Variants in NEDD9 observed in about 807,000 individuals in gnomAD.
The protein encoded by NEDD9 is enhancer of filamentation 1.
A neutral mutation model predicts 76.6 loss-of-function variants in NEDD9; 26 were observed. The ratio of observed to expected loss-of-function variants is 0.34; its 90% confidence interval spans 0.25 to 0.47. The LOEUF (loss-of-function observed/expected upper bound fraction) is 0.47. Ranked by LOEUF, NEDD9 falls within the 20% of genes least tolerant of loss-of-function variation. The pLI, the probability that NEDD9 is intolerant of heterozygous loss-of-function variation, is 1.00. For missense variants in NEDD9, 937 were observed against 1,058.5 expected (o/e 0.89, Z 1.59); for synonymous variants, 392 against 414.2 (o/e 0.95, Z 0.65).
At chr6:11,362,017 A>G (rs1398371837) in intron 1 of NEDD9, among the ~76,000 whole-genome samples, 1 of 152,230 alleles carries the variant, frequency 6.6e-6, no homozygotes, top group East Asian at 1.9e-4. Flanking sequence ...GCTGCTTGCA[A>G]TGAACTGAAT....
At chr6:11,251,713 A>C (rs146016495) in intron 3 of NEDD9, 2 of 152,210 alleles carry the variant, frequency 1.3e-5, no homozygotes. Flanking sequence ...CACTTCAGGG[A>C]TTTAGAATCA....
At position 11,290,381 on chromosome 6, in the gene NEDD9, C is replaced by T. The variant is rs867808583; in HGVS notation, c.12+15611G>A. ...ACAAAACACAAGCCTTAGTATGTGA[C>T]TTCTGGCCTCCAAATAAAGCATTAT... On this transcript the variant is annotated intron_variant, in intron 3 of 3. Coordinates refer to the NEDD9 transcript ENST00000397378. Among the ~76,000 whole-genome samples the T allele has an allele frequency of 5.9e-5, 9 of 152,178 alleles. No homozygotes were observed. The South Asian group carries it at 6.2e-4, about 11-fold the overall frequency.
At chr6:11,253,192 T>A (rs894933051) in intron 3 of NEDD9, among the ~76,000 whole-genome samples, 1 of 152,188 alleles carries the variant, frequency 6.6e-6, no homozygotes, top group Non-Finnish European at 1.5e-5. Flanking sequence ...GGCACTTTCA[T>A]GAATGTGCGC....
chr6:11,317,044 G>A (rs1238964718), intron 2 of NEDD9, among the ~76,000 whole-genome samples: 1 of 152,232 alleles, frequency 6.6e-6, no homozygotes, highest in African/African-American at 2.4e-5. Flanking sequence ...GATTCAGAGA[G>A]AGAGAATGTT....
chr6:11,297,862 G>A (rs1760935992), intron 3 of NEDD9, among the ~76,000 whole-genome samples: 1 of 151,858 alleles, frequency 6.6e-6, no homozygotes, highest in Admixed American at 6.6e-5. Flanking sequence ...GGCAAGACTG[G>A]GATTCAAACT....
intron 1 of NEDD9, among the ~76,000 whole-genome samples, chr6:11,337,372 A>G (rs1367874882): frequency 6.6e-6 from 1 of 152,262 alleles, no homozygotes; most frequent in African/African-American, 2.4e-5. Flanking sequence ...CAAACTAGTA[A>G]AATAGTAATT....
At chr6:11,320,656 A>C (rs982122343) in intron 2 of NEDD9, among the ~76,000 whole-genome samples, 1 of 152,222 alleles carries the variant, frequency 6.6e-6, no homozygotes, top group African/African-American at 2.4e-5. Flanking sequence ...TTGTTAATAG[A>C]GGATTGGCTA....
At chr6:11,371,266 T>C (rs752961880) in intron 1 of NEDD9, among the ~76,000 whole-genome samples, 3 of 152,168 alleles carry the variant, frequency 2.0e-5, no homozygotes, top group Non-Finnish European at 4.4e-5. Context: ...TAAACCTGCA[T>C]TGACACATCA....
chr6:11,301,933 CT>C, intron 3 of NEDD9, among the ~76,000 whole-genome samples: 1 of 152,134 alleles, frequency 6.6e-6, no homozygotes, highest in Non-Finnish European at 1.5e-5. Flanking sequence ...AAAATCGACA[CT>C]CTAACATCAC....
chr6:11,239,745 C>T (rs1163220878), intron 3 of NEDD9, among the ~76,000 whole-genome samples: 2 of 151,790 alleles, frequency 1.3e-5, no homozygotes, highest in East Asian at 3.9e-4. Flanking sequence ...TTGTTAAGTT[C>T]GTATTAAAAA....
At chr6:11,227,398 G>A (rs1457568457) in intron 1 of NEDD9, among the ~76,000 whole-genome samples, 4 of 152,142 alleles carry the variant, frequency 2.6e-5, no homozygotes, top group African/African-American at 7.2e-5. Flanking sequence ...ATTATCCCAG[G>A]TCTTCGAATA....
Position 11,232,653 on chromosome 6 carries a change from C to A in NEDD9, c.-138G>T. Reference sequence around the variant, plus strand: ...GCAGAGCCGCTTGTCAGTCGCAGCGCCTCCCTCAAGTCTCTGAGCTCACTG... The same window carrying A: ...GCAGAGCCGCTTGTCAGTCGCAGCGACTCCCTCAAGTCTCTGAGCTCACTG... On this transcript the variant is annotated 5_prime_UTR_variant, in exon 1 of 7. Coordinates refer to ENST00000379446, the MANE Select transcript of NEDD9 (RefSeq NM_006403.4). The A allele has an allele frequency of 6.4e-7, 1 of 1,552,550 alleles. No individual in the cohort carries two copies.
intron 1 of NEDD9, among the ~76,000 whole-genome samples, chr6:11,360,137 C>A (rs1582049031): frequency 6.6e-6 from 1 of 152,276 alleles, no homozygotes; most frequent in East Asian, 1.9e-4. Flanking sequence ...CAGGGCACTG[C>A]TATTGGAACG....
intron 1 of NEDD9, among the ~76,000 whole-genome samples, chr6:11,339,632 C>T (rs1762236431): frequency 6.6e-6 from 1 of 152,184 alleles, no homozygotes; most frequent in Admixed American, 6.5e-5. Context: ...CAATTGGACA[C>T]ATGTTATGCC....
At chr6:11,286,811 T>A (rs1760658266) in intron 3 of NEDD9, among the ~76,000 whole-genome samples, 1 of 152,122 alleles carries the variant, frequency 6.6e-6, no homozygotes, top group Admixed American at 6.5e-5. Context: ...TGCCTAGGAA[T>A]GGGGCTGGGG....
rs1456182479 is a variant in NEDD9 at position 11,237,753 on chromosome 6, A to G, written c.13-24026T>C. 6.6e-6 allele frequency among the ~76,000 whole-genome samples: 1 copy of G among 152,110 alleles called. No homozygotes were observed. The highest frequency in any genetic ancestry group is 1.5e-5 in the Non-Finnish European group (1 of 68,014). On this transcript the variant is annotated intron_variant, in intron 3 of 3. Coordinates refer to the NEDD9 transcript ENST00000397378. The surrounding 1 kb of genome is among the most constrained non-coding windows in gnomAD (Gnocchi z 4.9). ...CCAAAGCCGAAGAAGAAAAAGTATT[A>G]TTTGGTTGTCTCTAGAAGTTTGCCG...
intron 3 of NEDD9, among the ~76,000 whole-genome samples, chr6:11,245,954 T>TC (rs1759798466): frequency 6.6e-6 from 1 of 152,144 alleles, no homozygotes; most frequent in Admixed American, 6.5e-5. Context: ...TTTTTTTTTT[T>TC]CTTTTTAAAT....
chr6:11,196,550 CTCTCTCTT>C (rs1228887345), intron 2 of NEDD9, among the ~76,000 whole-genome samples: 1 of 152,154 alleles, frequency 6.6e-6, no homozygotes, highest in African/African-American at 2.4e-5. Flanking sequence ...CCCCAACTTG[CTCTCTCTT>C]TCTCATTTAG....
chr6:11,223,978 T>C (rs1484315883), intron 1 of NEDD9, among the ~76,000 whole-genome samples: 6 of 152,226 alleles, frequency 3.9e-5, no homozygotes, highest in Non-Finnish European at 8.8e-5. Context: ...AGAGTGACCA[T>C]GTGCTTCCGG....
Sources: gnomAD v4.1 joint callset for allele counts (sites outside exome capture counted in the v4.1 genomes callset) on GRCh38, gnomAD v4.1.1 for gene constraint, Gnocchi (gnomAD v3.1) non-coding constraint, MANE v1.5 for transcripts, NCBI Gene and HGNC (gene_info 2026-07-23, HGNC 2026-07-21) for gene names.